The following TFG variants were observed in gnomAD, a reference collection of about 807,000 sequenced individuals.
The protein encoded by TFG is protein TFG.
In TFG, 22 loss-of-function variants were observed where a neutral mutation model predicts 51.4. The observed-to-expected ratio is 0.43, with a 90% CI of 0.31 to 0.61. The LOEUF is 0.61. Ranked by LOEUF, TFG falls within the 20% of genes least tolerant of loss-of-function variation. TFG has a pLI of 0.12. For missense variants in TFG, 419 were observed against 487.7 expected (o/e 0.86, Z 1.33); for synonymous variants, 187 against 165.6 (o/e 1.13, Z -0.99).
At chr3:100,712,783 A>G (rs2095034704) in intron 1 of TFG, among the ~76,000 whole-genome samples, 1 of 152,222 alleles carries the variant, frequency 6.6e-6, no homozygotes, top group Non-Finnish European at 1.5e-5. Context: ...GGATAAGAAG[A>G]TAATGCCAGG....
intron 3 of TFG, 134 bp from the exon 4 acceptor site, chr3:100,728,578 A>C: frequency 1.4e-6 from 1 of 694,366 alleles, no homozygotes; most frequent in Non-Finnish European, 2.2e-6. Context: ...TTTTTAAAAA[A>C]AAAGTTACTC....
chr3:100,740,515 T>C (rs1409174026), intron 6 of TFG, among the ~76,000 whole-genome samples: 1 of 152,190 alleles, frequency 6.6e-6, no homozygotes, highest in Admixed American at 6.5e-5. Flanking sequence ...CAATATTTTC[T>C]TGGTATACAG....
chr3:100,729,312 T>C (rs1401894237), intron 4 of TFG, among the ~76,000 whole-genome samples: 3 of 152,200 alleles, frequency 2.0e-5, no homozygotes, highest in Non-Finnish European at 4.4e-5. Context: ...AGATTAGTAA[T>C]GTTCATTAAA....
At chr3:100,734,214 T>C (rs1366836147) in intron 5 of TFG, among the ~76,000 whole-genome samples, 1 of 152,200 alleles carries the variant, frequency 6.6e-6, no homozygotes, top group Non-Finnish European at 1.5e-5. Flanking sequence ...TTGGTTTTGA[T>C]AACTTTCACA....
intron 2 of TFG, among the ~76,000 whole-genome samples, chr3:100,715,673 CA>C (rs1340503678): frequency 6.6e-6 from 1 of 151,714 alleles, no homozygotes; most frequent in African/African-American, 2.4e-5. Flanking sequence ...GCTTATCATA[CA>C]TTGATTTGCA....
At chr3:100,739,230 G>C (rs2095114857) in intron 6 of TFG, among the ~76,000 whole-genome samples, 2 of 152,018 alleles carry the variant, frequency 1.3e-5, no homozygotes, top group African/African-American at 4.8e-5. Context: ...TGTTAACATA[G>C]CAATCTCTTA....
intron 3 of TFG, 133 bp downstream of exon 3, chr3:100,720,191 A>C: frequency 3.6e-6 from 2 of 549,614 alleles, no homozygotes; most frequent in Non-Finnish European, 6.3e-6. Context: ...GTGTTCAGGT[A>C]GTTGTTTTAG....
Position 100,748,633 on chromosome 3 carries a change from G to A in TFG, c.*102G>A. 7.8e-7 allele frequency: 1 copy of A among 1,280,238 alleles called. No homozygotes were observed. 79.3% of individuals were successfully genotyped at this position (1,280,238 alleles called of 1,614,324 possible). A position where few individuals can be genotyped will look rare whatever the true frequency, so the allele number is the denominator to read the frequency against. On this transcript the variant is annotated 3_prime_UTR_variant, in exon 8 of 8. Transcript: ENST00000240851. ...ATTGAAGAAGTTCAGAAATTTAAAA[G>A]CAGAGCATTTTTTATGATATCATTG...
rs2095154938 is a variant in TFG at position 100,748,335 on chromosome 3, C to T, written c.1007C>T (p.Pro336Leu). The T allele has an allele frequency of 6.2e-6, 10 of 1,614,120 alleles. No individual in the cohort carries two copies. The highest frequency in any genetic ancestry group is 8.5e-6 in the Non-Finnish European group (10 of 1,180,008). The change falls in exon 8 of 8, where the codon CCT (proline) becomes CTT (leucine). Residue 336 changes from proline to leucine, a missense_variant. Around this residue, in one of 3 missense-constraint regions of TFG, gnomAD observed 391 missense variants for 434.4 expected, o/e 0.90. Transcript: ENST00000240851. ...AQTYTAQTSQ[P>L]TNYTVAPASQ... ...ACTTACACTGCCCAAACTTCTCAGC[C>T]TACTAATTATACTGTGGCTCCTGCC... is the stretch of plus-strand genomic sequence containing the variant.
At chr3:100,725,622 C>CAAAAAAAAAAAAAA (rs763163559) in intron 3 of TFG, among the ~76,000 whole-genome samples, 3 of 83,490 alleles carry the variant, frequency 3.6e-5, no homozygotes, top group Non-Finnish European at 6.9e-5. Context: ...ACCAAAAATA[C>CAAAAAAAAAAAAAA]AAAAAAAAAA....
Position 100,748,180 on chromosome 3 carries a change from A to G in TFG, c.852A>G (p.Gln284=). 1.2e-6 allele frequency: 2 copies of G among 1,613,992 alleles called. No individual in the cohort carries two copies. The highest frequency in any genetic ancestry group is 1.7e-6 in the Non-Finnish European group (2 of 1,179,942). ...ATAGTCAGCAGACTGGACCTCAACA[A>G]CCTCAGCAGTTCCAGGGATATGGCC... The part of the protein sequence containing the change: ...ASYSQQTGPQ[Q]PQQFQGYGQQ... Residue 284 remains glutamine, a synonymous_variant, in exon 8 of 8, where the codon CAA becomes CAG. Transcript: ENST00000240851.
chr3:100,741,977 CCTACT>C (rs777523583), intron 6 of TFG, among the ~76,000 whole-genome samples: 190 of 152,190 alleles, frequency 1.2e-3, no homozygotes, highest in Non-Finnish European at 1.9e-3. Flanking sequence ...ATTTTCAGAA[CCTACT>C]CTTGTCATTA....
At chr3:100,719,383 C>G (rs2095054749) in intron 2 of TFG, among the ~76,000 whole-genome samples, 1 of 152,196 alleles carries the variant, frequency 6.6e-6, no homozygotes, top group African/African-American at 2.4e-5. Flanking sequence ...TTATAGCATT[C>G]TTTATCCCTG....
chr3:100,725,848 A>G (rs2095074211), intron 3 of TFG, among the ~76,000 whole-genome samples: 1 of 152,056 alleles, frequency 6.6e-6, no homozygotes, highest in African/African-American at 2.4e-5. Context: ...TAGTAAGTTT[A>G]TCTTGTTGTG....
intron 3 of TFG, among the ~76,000 whole-genome samples, chr3:100,726,705 T>G (rs1248535700): frequency 1.3e-5 from 2 of 152,180 alleles, no homozygotes; most frequent in Non-Finnish European, 1.5e-5. Flanking sequence ...GTTTACTGAC[T>G]TACTGCAGCA....
chr3:100,740,686 G>A (rs766103728), intron 6 of TFG, among the ~76,000 whole-genome samples: 128 of 152,230 alleles, frequency 8.4e-4, no homozygotes, highest in Non-Finnish European at 1.3e-3. Context: ...TGCAGAAGCC[G>A]TTGAGGGTCA....
At chr3:100,741,144 T>A (rs2095120155) in intron 6 of TFG, among the ~76,000 whole-genome samples, 1 of 152,164 alleles carries the variant, frequency 6.6e-6, no homozygotes, top group African/African-American at 2.4e-5. Context: ...TATTTTTAAA[T>A]CATTAGAGTG....
chr3:100,720,266 CAG>C (rs1330063041), intron 3 of TFG, among the ~76,000 whole-genome samples: 1 of 146,814 alleles, frequency 6.8e-6, no homozygotes, highest in African/African-American at 2.5e-5. Flanking sequence ...TCAGTAAGAA[CAG>C]AGTGTTAAGT....
intron 3 of TFG, among the ~76,000 whole-genome samples, chr3:100,726,276 A>G (rs959591207): frequency 1.3e-5 from 2 of 152,228 alleles, no homozygotes; most frequent in African/African-American, 4.8e-5. Flanking sequence ...AGACCCAGCA[A>G]GCAAACTTAT....
Sources: gnomAD v4.1 joint callset for allele counts (sites outside exome capture counted in the v4.1 genomes callset) on GRCh38, gnomAD v4.1.1 for gene constraint, gnomAD v4.1.1 regional missense constraint, MANE v1.5 for transcripts, NCBI Gene and HGNC (gene_info 2026-07-23, HGNC 2026-07-21) for gene names.